The following SLK variants were observed in gnomAD, a reference collection of about 807,000 sequenced individuals.
SLK encodes STE20-like serine/threonine-protein kinase.
SLK carries 67 observed loss-of-function variants against 147.7 expected under a neutral mutation model. That is an observed-to-expected ratio of 0.45 (90% CI 0.37 to 0.56). SLK has a LOEUF of 0.56. Among genes scored for constraint, SLK ranks in the 20% least tolerant of loss-of-function variants. SLK has a pLI of 0.00. For missense variants in SLK, 1,136 were observed against 1,438.8 expected (o/e 0.79, Z 3.41); for synonymous variants, 441 against 475.0 (o/e 0.93, Z 0.93).
chr10:103,992,792 A>G (rs902866606), intron 3 of SLK, 146 bp downstream of exon 3: 1 of 702,250 alleles, frequency 1.4e-6, no homozygotes, highest in African/African-American at 1.8e-5. Flanking sequence ...ATATTCTTGG[A>G]TAATTATAGT....
intron 2 of SLK, 60 bp downstream of exon 2, chr10:103,990,899 T>C: frequency 9.6e-7 from 1 of 1,041,210 alleles, no homozygotes; most frequent in East Asian, 2.9e-5. Flanking sequence ...CCTAAAGAGA[T>C]GTTTATGAAT....
At chr10:103,987,038 A>G (rs1844027388) in intron 1 of SLK, among the ~76,000 whole-genome samples, 1 of 152,120 alleles carries the variant, frequency 6.6e-6, no homozygotes, top group Non-Finnish European at 1.5e-5. Context: ...AAAATACTTT[A>G]TGTCCCAGTT....
rs149480041 is a variant in SLK at position 103,967,844 on chromosome 10, T to G, written c.99T>G (p.Phe33Leu). ...HVKRDLNPED[F>L]WEIIGELGDG... is the part of the protein sequence containing the mutation. The stretch of plus-strand genomic sequence containing the variant: ...AGAGGGACCTGAACCCCGAAGACTT[T>G]TGGGAGATTATAGGAGAACTGGGCG... Residue 33 changes from phenylalanine to leucine, a missense_variant, in exon 1 of 19, where the codon TTT (phenylalanine) becomes TTG (leucine). Around this residue, in one of 6 missense-constraint regions of SLK, gnomAD observed 126 missense variants for 141.3 expected, o/e 0.89. Coordinates refer to ENST00000369755, the MANE Select transcript of SLK (RefSeq NM_014720.4). The G allele has an allele frequency of 2.5e-6, 4 of 1,613,828 alleles. No individual in the cohort carries two copies. In the African/African-American group the frequency reaches 5.3e-5, roughly 22 times the overall value.
Position 104,008,372 on chromosome 10 carries a change from T to C in SLK, c.2784+16T>C. 3.9e-6 allele frequency: 6 copies of C among 1,556,508 alleles called. No homozygotes were observed. The highest frequency in any genetic ancestry group is 5.2e-6 in the Non-Finnish European group (6 of 1,149,746). On this transcript the variant is annotated intron_variant, in intron 12 of 18. Coordinates refer to ENST00000369755, the MANE Select transcript of SLK (RefSeq NM_014720.4). ...AAAGAAGGAGGTAAGTGTAAACTAC[T>C]GTTTTTAATTACTAAAGCTTTTTTT...
In SLK at chr10:104,003,647, A is replaced by G. The variant is rs748543109; in HGVS notation, c.2349+120A>G. ...AAATTAATGTAGTATTAACAATATA[A>G]ATTCTTACAGCCTATGAAAGCAATT... is the stretch of plus-strand genomic sequence containing the variant. On this transcript the variant is annotated intron_variant, in intron 9 of 18. Coordinates refer to ENST00000369755, the MANE Select transcript of SLK (RefSeq NM_014720.4). 1.9e-4 allele frequency: 163 copies of G among 836,584 alleles called. 1 individual carries two copies. Among genetic ancestry groups the G allele is most frequent in the Non-Finnish European group, 2.7e-4 (149 of 552,136 alleles). The allele number at this position is 836,584 out of a possible 1,614,324, so 51.8% of individuals were successfully genotyped here.
At chr10:103,968,039 T>G in intron 1 of SLK, 144 bp downstream of exon 1, 1 of 823,412 alleles carries the variant, frequency 1.2e-6, no homozygotes, top group Non-Finnish European at 1.9e-6. Context: ...TGGCTGATCA[T>G]CCAAGGAGTA....
At chr10:104,020,436 A>G (rs1351407426) in intron 16 of SLK, 52 bp from the exon 17 acceptor site, 19 of 1,528,970 alleles carry the variant, frequency 1.2e-5, no homozygotes, top group East Asian at 2.3e-5. Flanking sequence ...TTCAGAATAT[A>G]TAGAAATCAC....
chr10:103,989,050 T>G (rs1774607), intron 1 of SLK, among the ~76,000 whole-genome samples: 32,491 of 152,120 alleles, frequency 0.21, 3,850 homozygotes, highest in African/African-American at 0.32. Context: ...TATTTATGTT[T>G]AGGCTGTCTT....
At chr10:104,017,222 G>A (rs1844475724) in intron 13 of SLK, among the ~76,000 whole-genome samples, 1 of 152,174 alleles carries the variant, frequency 6.6e-6, no homozygotes, top group Admixed American at 6.5e-5. Context: ...ATAGAATTCT[G>A]TGATTATACA....
Position 103,999,115 on chromosome 10 carries a change from A to T in SLK, c.588-4A>T. The T allele has an allele frequency of 6.2e-7, 1 of 1,602,914 alleles. No individual in the cohort carries two copies. Among genetic ancestry groups the T allele is most frequent in the South Asian group, 1.1e-5 (1 of 89,280 alleles). On this transcript the variant is annotated splice_polypyrimidine_tract_variant and splice_region_variant and intron_variant, in intron 5 of 18. Coordinates refer to ENST00000369755, the MANE Select transcript of SLK (RefSeq NM_014720.4). ...TGTTAACTTTTAATTATCTGTCTTC[A>T]TAGGATGGCTCCTGAAGTAGTCATG...
chr10:104,008,793 T>G (rs1186249642), intron 12 of SLK, among the ~76,000 whole-genome samples: 1 of 152,244 alleles, frequency 6.6e-6, no homozygotes, highest in African/African-American at 2.4e-5. Flanking sequence ...TTCATTTTAT[T>G]ATTTATAAGT....
intron 6 of SLK, 55 bp downstream of exon 6, chr10:103,999,368 A>G (rs1437800651): frequency 2.0e-5 from 25 of 1,273,864 alleles, no homozygotes; most frequent in Non-Finnish European, 2.6e-5. Flanking sequence ...AGGAAGCAGA[A>G]CTTGATGTTA....
chr10:103,980,461 A>G (rs1481942101), intron 1 of SLK, among the ~76,000 whole-genome samples: 2 of 152,114 alleles, frequency 1.3e-5, no homozygotes, highest in Non-Finnish European at 2.9e-5. Context: ...TTTAAAATGA[A>G]ACTCTACCGT....
Position 104,003,520 on chromosome 10 carries a change from C to A in SLK, c.2342C>A (p.Ser781Tyr). 1 of 1,566,928 alleles carries A rather than the reference C, an allele frequency of 6.4e-7. No homozygotes were observed. Among genetic ancestry groups the A allele is most frequent in the Non-Finnish European group, 8.6e-7 (1 of 1,159,046 alleles). ...AAAACTAAAGACAGTGGATCGATAT[C>A]TTTACAAGTAAGTGTACATGAGTCA... ...LSKTKDSGSI[S>Y]LQETRRQKKT... The change falls in exon 9 of 19, where the codon TCT becomes TAT. Residue 781 changes from serine to tyrosine, a missense_variant. Ser to Tyr is a moderately radical substitution (Grantham distance 144, BLOSUM62 -2). Transcript: ENST00000369755.
rs548216861 is a variant in SLK at position 103,997,189 on chromosome 10, G to C, written c.515-1710G>C. ...GGAATCATACAACATTTGTCCTTTT[G>C]TGACTGGCGTATTTTACTTACCATA... On this transcript the variant is annotated intron_variant, in intron 4 of 18. Coordinates refer to ENST00000369755, the MANE Select transcript of SLK (RefSeq NM_014720.4). Among the ~76,000 whole-genome samples the C allele has an allele frequency of 7.9e-5, 12 of 152,250 alleles. No individual in the cohort carries two copies. The South Asian group carries it at 2.5e-3, about 32-fold the overall frequency.
At chr10:104,009,712 G>T (rs772982408) in intron 12 of SLK, among the ~76,000 whole-genome samples, 2 of 152,040 alleles carry the variant, frequency 1.3e-5, no homozygotes, top group Non-Finnish European at 2.9e-5. Context: ...GTTTTTGTTT[G>T]GGGGTAGGAG....
At position 104,010,918 on chromosome 10, in the gene SLK, G is replaced by A. The variant is rs1234275524; in HGVS notation, c.2877+10G>A. 7 of 1,529,002 alleles carry A rather than the reference G, an allele frequency of 4.6e-6. No homozygotes were observed. Among genetic ancestry groups the A allele is most frequent in the Non-Finnish European group, 6.2e-6 (7 of 1,138,088 alleles). 94.7% of individuals were successfully genotyped at this position (1,529,002 alleles called of 1,614,324 possible). A position where few individuals can be genotyped will look rare whatever the true frequency, so the allele number is the denominator to read the frequency against. On this transcript the variant is annotated intron_variant, in intron 13 of 18. Coordinates refer to ENST00000369755, the MANE Select transcript of SLK (RefSeq NM_014720.4). ...AAGCCAGCATGCTCAGGTAACAGCA[G>A]CAGCTTAATGCTACTAAAACCAGAA...
chr10:103,977,039 G>T, intron 1 of SLK, among the ~76,000 whole-genome samples: 1 of 152,022 alleles, frequency 6.6e-6, no homozygotes. Flanking sequence ...AATGTCTCCT[G>T]GATGGCAAAA....
chr10:103,978,978 A>G (rs1022353743), intron 1 of SLK, among the ~76,000 whole-genome samples: 1 of 150,374 alleles, frequency 6.7e-6, no homozygotes, highest in Non-Finnish European at 1.5e-5. Flanking sequence ...TCTCAATTTT[A>G]AAGAAATGTA....
Sources: allele counts gnomAD v4.1 joint callset (sites outside exome capture counted in the v4.1 genomes callset), GRCh38; gene constraint gnomAD v4.1.1; regional missense constraint gnomAD v4.1.1; transcripts MANE v1.5; gene names NCBI Gene and HGNC (gene_info 2026-07-23, HGNC 2026-07-21).